Variants in PKHD1 observed in about 807,000 individuals in gnomAD.
The protein encoded by PKHD1 is fibrocystin.
Under a neutral mutation model 412.0 loss-of-function variants are expected in PKHD1, and 291 were observed. The ratio of observed to expected loss-of-function variants is 0.71; its 90% CI spans 0.64 to 0.78. The LOEUF is 0.78. Ranked by LOEUF, PKHD1 falls within the 30% of genes least tolerant of loss-of-function variation. The pLI is 0.00. For missense variants in PKHD1, 4,825 were observed against 4,950.7 expected (o/e 0.97, Z 0.76); for synonymous variants, 1,777 against 1,821.5 (o/e 0.98, Z 0.62).
chr6:51,937,697 C>T (rs761261853), intron 36 of PKHD1, among the ~76,000 whole-genome samples: 2 of 152,194 alleles, frequency 1.3e-5, no homozygotes, highest in Non-Finnish European at 2.9e-5. Flanking sequence ...TGACACACCC[C>T]GCATAGGTAT....
intron 48 of PKHD1, 117 bp from the exon 49 acceptor site, chr6:51,856,187 T>C (rs1480171098): frequency 1.6e-5 from 12 of 753,862 alleles, no homozygotes; most frequent in Non-Finnish European, 2.4e-5. Context: ...ACATATGTCT[T>C]AGGCCCTCTT....
chr6:51,936,343 T>C (rs967388370), intron 36 of PKHD1, among the ~76,000 whole-genome samples: 1 of 152,208 alleles, frequency 6.6e-6, no homozygotes, highest in Non-Finnish European at 1.5e-5. Flanking sequence ...GATATAGAGA[T>C]AGCAAAGTAT....
intron 58 of PKHD1, 129 bp downstream of exon 58, chr6:51,747,658 C>G: frequency 1.3e-6 from 1 of 765,338 alleles, no homozygotes; most frequent in Non-Finnish European, 2.3e-6. Flanking sequence ...GCTATCAATA[C>G]TCAGCAGGTT....
At chr6:51,970,742 C>G (rs1793554742) in intron 35 of PKHD1, among the ~76,000 whole-genome samples, 1 of 152,136 alleles carries the variant, frequency 6.6e-6, no homozygotes, top group Non-Finnish European at 1.5e-5. Context: ...TTGGCTTTGT[C>G]AAAGATTAGT....
chr6:51,923,205 G>GA (rs1026000870), intron 37 of PKHD1, among the ~76,000 whole-genome samples: 88 of 151,548 alleles, frequency 5.8e-4, no homozygotes, highest in African/African-American at 1.6e-3. Flanking sequence ...CTATTCATTT[G>GA]AAAAAAAATA....
chr6:51,935,547 C>T (rs560535310), intron 36 of PKHD1, among the ~76,000 whole-genome samples: 2 of 152,204 alleles, frequency 1.3e-5, no homozygotes, highest in Admixed American at 6.5e-5. Flanking sequence ...ATCTTTATAT[C>T]AGACACACCA....
intron 52 of PKHD1, among the ~76,000 whole-genome samples, chr6:51,800,134 C>A (rs950736275): frequency 1.3e-5 from 2 of 152,190 alleles, no homozygotes; most frequent in East Asian, 1.9e-4. Context: ...CCCAAAGGGG[C>A]TCAGGACTAG....
chr6:51,903,856 TA>T, intron 42 of PKHD1, 129 bp from the exon 43 acceptor site: 2 of 420,080 alleles, frequency 4.8e-6, no homozygotes, highest in Non-Finnish European at 8.1e-6. Context: ...TATATATATA[TA>T]TATTTAGAAA....
intron 52 of PKHD1, among the ~76,000 whole-genome samples, chr6:51,808,358 G>C (rs1175581452): frequency 6.6e-6 from 1 of 151,798 alleles, no homozygotes; most frequent in Non-Finnish European, 1.5e-5. Context: ...GGAAGACATG[G>C]GTGAAGGGAA....
chr6:51,836,960 A>T (rs2151553944), intron 50 of PKHD1, among the ~76,000 whole-genome samples: 1 of 152,292 alleles, frequency 6.6e-6, no homozygotes, highest in East Asian at 1.9e-4. Flanking sequence ...CATCCAAGCC[A>T]ACTGAGCACA....
chr6:51,835,001 G>C (rs989166176), intron 51 of PKHD1, among the ~76,000 whole-genome samples: 1 of 152,140 alleles, frequency 6.6e-6, no homozygotes, highest in African/African-American at 2.4e-5. Flanking sequence ...GTAAAATGAG[G>C]CAACTGGATA....
intron 60 of PKHD1, among the ~76,000 whole-genome samples, chr6:51,735,693 A>C (rs1783751974): frequency 6.6e-6 from 1 of 152,142 alleles, no homozygotes; most frequent in African/African-American, 2.4e-5. Context: ...TGGGAGGCCA[A>C]GGTAAGAGGA....
chr6:51,749,086 C>T (rs547649191), intron 57 of PKHD1, among the ~76,000 whole-genome samples: 1 of 152,182 alleles, frequency 6.6e-6, no homozygotes, highest in African/African-American at 2.4e-5. Flanking sequence ...TGAAAGGCCA[C>T]AGCCATTCCC....
chr6:51,921,841 A>G (rs1049427318), intron 37 of PKHD1, among the ~76,000 whole-genome samples: 7 of 152,016 alleles, frequency 4.6e-5, no homozygotes, highest in African/African-American at 1.7e-4. Context: ...ATCTTTTTTC[A>G]AGGTTTGTAG....
intron 60 of PKHD1, chr6:51,682,226 C>G (rs1776777135): frequency 2.2e-6 from 1 of 455,980 alleles, no homozygotes; most frequent in Non-Finnish European, 4.4e-6. Context: ...GGGAACTCTT[C>G]TTTTGTCCCC....
At chr6:51,931,993 G>A (rs1786698282) in intron 37 of PKHD1, among the ~76,000 whole-genome samples, 1 of 152,042 alleles carries the variant, frequency 6.6e-6, no homozygotes, top group South Asian at 2.1e-4. Flanking sequence ...AAAGGAGAGG[G>A]AGAGAGGAGA....
chr6:52,062,383 T>C, intron 14 of PKHD1, 136 bp downstream of exon 14: 1 of 935,664 alleles, frequency 1.1e-6, no homozygotes, highest in Middle Eastern at 3.1e-4. Context: ...GAGAATACTG[T>C]CAAACTCTGT....
intron 37 of PKHD1, among the ~76,000 whole-genome samples, chr6:51,933,419 G>A (rs573171654): frequency 6.6e-6 from 1 of 152,132 alleles, no homozygotes; most frequent in African/African-American, 2.4e-5. Context: ...ACAGGAAGAG[G>A]TTCAACAACT....
At chr6:51,655,921 A>G (rs1359121412) in intron 61 of PKHD1, among the ~76,000 whole-genome samples, 1 of 152,164 alleles carries the variant, frequency 6.6e-6, no homozygotes, top group Non-Finnish European at 1.5e-5. Context: ...ATTGTGGAAG[A>G]GAGTGTGGCG....
Sources: allele counts gnomAD v4.1 joint callset (sites outside exome capture counted in the v4.1 genomes callset), GRCh38; gene constraint gnomAD v4.1.1; transcripts MANE v1.5; gene names NCBI Gene and HGNC (gene_info 2026-07-23, HGNC 2026-07-21).